Variants in AAAS observed in about 807,000 individuals in gnomAD.
AAAS encodes aladin WD repeat nucleoporin.
A neutral mutation model predicts 75.6 loss-of-function variants in AAAS; 60 were observed. The observed-to-expected ratio is 0.79, with a 90% CI of 0.64 to 0.98. The LOEUF (loss-of-function observed/expected upper bound fraction) is 0.98. Ranked by LOEUF, AAAS falls within the 50% of genes least tolerant of loss-of-function variation. The probability of loss-of-function intolerance (pLI) is 0.00; values close to 1 mark genes in which losing one functional copy is unlikely to be tolerated. For synonymous variants in AAAS, 271 were observed against 265.0 expected, an observed-to-expected ratio of 1.02 and a Z score of -0.22; for missense variants, 658 against 686.9, an observed-to-expected ratio of 0.96 and a Z score of 0.47.
At position 53,315,148 on chromosome 12, in the gene AAAS, A is replaced by T; in HGVS notation, c.400-8T>A. The T allele has an allele frequency of 6.2e-7, 1 of 1,614,188 alleles. No individual in the cohort carries two copies. Among genetic ancestry groups the T allele is most frequent in the Non-Finnish European group, 8.5e-7 (1 of 1,180,030 alleles). On this transcript the variant is annotated splice_polypyrimidine_tract_variant and splice_region_variant and intron_variant, in intron 4 of 15. Transcript: ENST00000209873. ...CAGATCTTCGCTCCTGAGCTGTAAGAACAAGATAGACACAGGACACACTGG... is the reference window on the plus strand; with the variant it reads ...CAGATCTTCGCTCCTGAGCTGTAAGTACAAGATAGACACAGGACACACTGG...
intron 2 of AAAS, 127 bp downstream of exon 2, chr12:53,320,438 G>C (rs1944534998): frequency 1.7e-5 from 22 of 1,307,440 alleles, no homozygotes; most frequent in Non-Finnish European, 2.4e-5. Context: ...TATGATTTAG[G>C]ATATACAGCT....
chr12:53,317,962 T>C (rs1438861231), intron 2 of AAAS, among the ~76,000 whole-genome samples: 1 of 152,216 alleles, frequency 6.6e-6, no homozygotes, highest in Non-Finnish European at 1.5e-5. Flanking sequence ...AGCTCTGGAC[T>C]AGGTGCCTCA....
intron 7 of AAAS, among the ~76,000 whole-genome samples, chr12:53,312,028 CA>C (rs1242336912): frequency 1.3e-5 from 2 of 151,408 alleles, no homozygotes; most frequent in African/African-American, 4.9e-5. Flanking sequence ...GATCCTGCAA[CA>C]AAAAAAAGGG....
intron 2 of AAAS, among the ~76,000 whole-genome samples, chr12:53,317,771 C>T (rs1944486840): frequency 6.6e-6 from 1 of 150,538 alleles, no homozygotes; most frequent in African/African-American, 2.4e-5. Context: ...ACTTCAGGAA[C>T]CTAGGAAAAA....
chr12:53,320,378 C>T lies in AAAS; in HGVS notation c.251+187G>A, dbSNP rs373089733. 1.2e-4 allele frequency among the ~76,000 whole-genome samples: 19 copies of T among 152,170 alleles called. No individual in the cohort carries two copies. The East Asian group carries it at 1.5e-3, about 12-fold the overall frequency. The stretch of plus-strand genomic sequence containing the variant: ...TTCCTGGGAAGGGCAAGGAAGGGAA[C>T]CTGACATTTATTGAGCATTTGAGTT... On this transcript the variant is annotated intron_variant, in intron 2 of 15. Coordinates refer to ENST00000209873, the MANE Select transcript of AAAS (RefSeq NM_015665.6).
intron 7 of AAAS, among the ~76,000 whole-genome samples, chr12:53,312,366 G>C (rs1041917786): frequency 4.6e-5 from 7 of 152,120 alleles, no homozygotes; most frequent in Non-Finnish European, 1.0e-4. Context: ...ACAAGGTCAG[G>C]AGTTCAAGAC....
chr12:53,319,130 G>A (rs371957803), intron 2 of AAAS, among the ~76,000 whole-genome samples: 1 of 152,188 alleles, frequency 6.6e-6, no homozygotes, highest in African/African-American at 2.4e-5. Context: ...CATACCCTCT[G>A]AGCCAGCAAC....
At chr12:53,319,107 A>G (rs533245525) in intron 2 of AAAS, among the ~76,000 whole-genome samples, 1 of 152,306 alleles carries the variant, frequency 6.6e-6, no homozygotes, top group Non-Finnish European at 1.5e-5. Context: ...CAGCTCACAA[A>G]ATTACAGATG....
chr12:53,318,744 A>G (rs1944506189), intron 2 of AAAS, among the ~76,000 whole-genome samples: 1 of 152,132 alleles, frequency 6.6e-6, no homozygotes, highest in Admixed American at 6.6e-5. Context: ...TGCTGAATAT[A>G]TGAAGTCTGC....
chr12:53,315,084 G>A lies in AAAS; in HGVS notation c.446+10C>T, dbSNP rs1944441803. The A allele has an allele frequency of 6.2e-7, 1 of 1,614,114 alleles. No individual in the cohort carries two copies. ...TCCTTTCCACAAAGCTCCAGGGCTT[G>A]TGCACTCACCAATTTGTGACTTGGG... On this transcript the variant is annotated intron_variant, in intron 5 of 15. Transcript: ENST00000209873.
intron 1 of AAAS, 148 bp from the exon 2 acceptor site, chr12:53,320,840 G>C (rs1475407038): frequency 2.2e-6 from 2 of 896,228 alleles, no homozygotes; most frequent in Non-Finnish European, 3.5e-6. Context: ...TTGTGAGAAT[G>C]GGAAACAAGT....
In AAAS at chr12:53,320,545, A is replaced by G. The variant is rs765872306; in HGVS notation, c.251+20T>C. 2 of 1,613,298 alleles carry G rather than the reference A, an allele frequency of 1.2e-6. No individual in the cohort carries two copies. The highest frequency in any genetic ancestry group is 3.3e-5 in the Admixed American group (2 of 60,002). On this transcript the variant is annotated intron_variant, in intron 2 of 15. Coordinates refer to ENST00000209873, the MANE Select transcript of AAAS (RefSeq NM_015665.6). Reference sequence around the variant, plus strand: ...AGGATCTGCAGACTGTGACCCAGGAAACCCTTTGCCATGCCTCACCAAATG... The same window carrying G: ...AGGATCTGCAGACTGTGACCCAGGAGACCCTTTGCCATGCCTCACCAAATG...
At position 53,314,349 on chromosome 12, in the gene AAAS, C is replaced by G. The variant is rs144873582; in HGVS notation, c.638G>C (p.Cys213Ser). ...GGTCCAGATAAGAATGCAGCTCTGG[C>G]AGGCCACAGCCAAGACAGAGGCACT... ...PLSASVLAVA[C>S]QSCILIWTLD... The change falls in exon 7 of 16, where the codon TGC (cysteine) becomes TCC (serine). Residue 213 changes from cysteine to serine, a missense_variant. Coordinates refer to ENST00000209873, the MANE Select transcript of AAAS (RefSeq NM_015665.6). 4.2e-4 allele frequency: 680 copies of G among 1,614,056 alleles called. No homozygotes were observed. The highest frequency in any genetic ancestry group is 5.4e-4 in the Non-Finnish European group (638 of 1,180,022).
rs1944554871 is a variant in AAAS at position 53,321,416 on chromosome 12, G to A, written c.50C>T (p.Thr17Ile). 6.2e-7 allele frequency: 1 copy of A among 1,614,260 alleles called. No homozygotes were observed. Among genetic ancestry groups the A allele is most frequent in the Non-Finnish European group, 8.5e-7 (1 of 1,180,052 alleles). The part of the protein sequence containing the change: ...FPPPPPRGQV[T>I]LYEHNNELVT... ...CAGCTCGTTATTGTGCTCATATAGGGTGACTTGACCCCGAGGCGGTGGAGG... is the reference window on the plus strand; with the variant it reads ...CAGCTCGTTATTGTGCTCATATAGGATGACTTGACCCCGAGGCGGTGGAGG... Residue 17 changes from threonine to isoleucine, a missense_variant, in exon 1 of 16, where the codon ACC becomes ATC. Coordinates refer to ENST00000209873, the MANE Select transcript of AAAS (RefSeq NM_015665.6).
chr12:53,320,522 G>A, intron 2 of AAAS, 43 bp downstream of exon 2: 1 of 1,612,432 alleles, frequency 6.2e-7, no homozygotes, highest in Non-Finnish European at 8.5e-7. Flanking sequence ...CATTTTCCAG[G>A]ATCTGCAGAC....
chr12:53,314,567 G>A, intron 6 of AAAS, 126 bp from the exon 7 acceptor site: 2 of 1,416,154 alleles, frequency 1.4e-6, no homozygotes, highest in Non-Finnish European at 2.0e-6. Context: ...GGGCACCATA[G>A]GACAGGAGGG....
chr12:53,307,749 G>A, intron 15 of AAAS, 36 bp from the exon 16 acceptor site: 1 of 1,613,698 alleles, frequency 6.2e-7, no homozygotes, highest in East Asian at 2.2e-5. Flanking sequence ...CAGAGTCTGG[G>A]CCCAAAGAAG....
At position 53,314,343 on chromosome 12, in the gene AAAS, C is replaced by T; in HGVS notation, c.644G>A (p.Ser215Asn). Residue 215 changes from serine to asparagine, a missense_variant, in exon 7 of 16, where the codon AGC (serine) becomes AAC (asparagine). By Grantham distance (46) the Ser-to-Asn change is conservative. Coordinates refer to ENST00000209873, the MANE Select transcript of AAAS (RefSeq NM_015665.6). ...GTCCAGGGTCCAGATAAGAATGCAGCTCTGGCAGGCCACAGCCAAGACAGA... is the reference window on the plus strand; with the variant it reads ...GTCCAGGGTCCAGATAAGAATGCAGTTCTGGCAGGCCACAGCCAAGACAGA... Reference protein sequence around the residue: ...SASVLAVACQSCILIWTLDPT... With the variant: ...SASVLAVACQNCILIWTLDPT... The T allele has an allele frequency of 1.2e-6, 2 of 1,614,158 alleles. No homozygotes were observed. Among genetic ancestry groups the T allele is most frequent in the Non-Finnish European group, 1.7e-6 (2 of 1,180,014 alleles).
At chr12:53,321,146 C>T in intron 1 of AAAS, 197 bp downstream of exon 1, 1 of 785,350 alleles carries the variant, frequency 1.3e-6, no homozygotes, top group Non-Finnish European at 2.0e-6. Context: ...TCCTCCACAG[C>T]TCCTTAACCG....
Sources: gnomAD v4.1 joint callset for allele counts (sites outside exome capture counted in the v4.1 genomes callset) on GRCh38, gnomAD v4.1.1 for gene constraint, MANE v1.5 for transcripts, NCBI Gene and HGNC (gene_info 2026-07-23, HGNC 2026-07-21) for gene names.